Variants in MAP4K3 observed in about 807,000 individuals in gnomAD.
MAP4K3 encodes MAPK/ERK kinase kinase kinase 3.
In MAP4K3, 94 loss-of-function variants were observed where a neutral mutation model predicts 143.5. That is an observed-to-expected ratio of 0.65 (90% CI 0.55 to 0.78). The LOEUF is 0.78. Ranked by LOEUF, MAP4K3 falls within the 30% of genes least tolerant of loss-of-function variation. The probability of loss-of-function intolerance (pLI) is 0.00; values close to 1 mark genes in which losing one functional copy is unlikely to be tolerated. For missense variants in MAP4K3, 1,077 were observed against 1,068.1 expected, an observed-to-expected ratio of 1.01 and a Z score of -0.12; for synonymous variants, 416 against 347.2, an observed-to-expected ratio of 1.20 and a Z score of -2.20.
rs752284923 is a variant in MAP4K3, at chr2:39,333,545, A to G, written c.444T>C (p.Gly148=). 3 of 1,606,836 alleles carry G rather than the reference A, an allele frequency of 1.9e-6. No homozygotes were observed. Among genetic ancestry groups the G allele is most frequent in the Non-Finnish European group, 2.6e-6 (3 of 1,174,078 alleles). ...CAATTTACTTACCCAATTTCACATGACCATTATCCGTTAATAGAATGTTAG... is the reference window on the plus strand; with the variant it reads ...CAATTTACTTACCCAATTTCACATGGCCATTATCCGTTAATAGAATGTTAG... ...KGANILLTDN[G]HVKLADFGVS... The change falls in exon 7 of 34, where the codon GGT becomes GGC. Residue 148 remains glycine, a synonymous_variant. Coordinates refer to ENST00000263881, the MANE Select transcript of MAP4K3 (RefSeq NM_003618.4).
chr2:39,369,205 G>GTTTTGTTTTTTTTT (rs1666011562), intron 2 of MAP4K3, among the ~76,000 whole-genome samples: 1 of 125,380 alleles, frequency 8.0e-6, no homozygotes, highest in Admixed American at 8.6e-5. Flanking sequence ...TTTTTTTTTT[G>GTTTTGTTTTTTTTT]TTTTTTTTGA....
At chr2:39,336,998 A>T in intron 5 of MAP4K3, 31 bp from the exon 6 acceptor site, 1 of 1,142,154 alleles carries the variant, frequency 8.8e-7, no homozygotes, top group Non-Finnish European at 1.3e-6. Context: ...AAAATAAACA[A>T]GATTTTATCA....
At chr2:39,264,689 T>G (rs1680699918) in intron 28 of MAP4K3, among the ~76,000 whole-genome samples, 1 of 152,344 alleles carries the variant, frequency 6.6e-6, no homozygotes, top group African/African-American at 2.4e-5. Context: ...TCCTTAAATG[T>G]AAGTTACAGA....
At chr2:39,250,735 C>T (rs770956938) in intron 33 of MAP4K3, 30 bp from the exon 34 acceptor site, 6 of 1,577,460 alleles carry the variant, frequency 3.8e-6, no homozygotes, top group Non-Finnish European at 5.2e-6. Context: ...TATAACAAAA[C>T]AAAGTTATTC....
At chr2:39,295,115 T>TA (rs1043420056) in intron 16 of MAP4K3, among the ~76,000 whole-genome samples, 1 of 151,852 alleles carries the variant, frequency 6.6e-6, no homozygotes, top group African/African-American at 2.4e-5. Flanking sequence ...ATTTTTTTCA[T>TA]AAAAAAATGT....
At chr2:39,290,382 A>C in intron 18 of MAP4K3, 48 bp from the exon 19 acceptor site, 1 of 1,214,602 alleles carries the variant, frequency 8.2e-7, no homozygotes, top group Non-Finnish European at 1.2e-6. Context: ...TTACAAATGA[A>C]TCAATCCTAA....
intron 1 of MAP4K3, among the ~76,000 whole-genome samples, chr2:39,424,594 T>G (rs978155791): frequency 1.3e-5 from 2 of 150,664 alleles, no homozygotes; most frequent in Admixed American, 6.6e-5. Flanking sequence ...CTTTAGGAGG[T>G]TGAGGTGGGA....
intron 28 of MAP4K3, among the ~76,000 whole-genome samples, chr2:39,264,326 T>C (rs1283764596): frequency 6.6e-6 from 1 of 152,256 alleles, no homozygotes; most frequent in African/African-American, 2.4e-5. Flanking sequence ...CATTTACCTG[T>C]GAAATTAATA....
intron 12 of MAP4K3, among the ~76,000 whole-genome samples, chr2:39,324,074 A>G (rs1471367027): frequency 6.6e-6 from 1 of 152,204 alleles, no homozygotes; most frequent in Non-Finnish European, 1.5e-5. Context: ...AGTTTGTAAA[A>G]CTTAACTTTC....
Position 39,288,135 on chromosome 2 carries a change from T to C in MAP4K3, c.1460A>G (p.Lys487Arg), listed in dbSNP as rs150356394. The part of the protein sequence containing the change: ...RPPPPRLPPH[K>R]PVALGNGMSS... ...TCCACCATTACCTAAGGCAACAGGT[T>C]TGTGTGGGGGTAATCTGGGAGGTGG... The change falls in exon 20 of 34, where the codon AAA (lysine) becomes AGA (arginine). Residue 487 changes from lysine (K) to arginine (R), a missense_variant. Transcript: ENST00000263881. 7.4e-6 allele frequency: 12 copies of C among 1,613,884 alleles called. No individual in the cohort carries two copies. Among genetic ancestry groups the C allele is most frequent in the African/African-American group, 2.7e-5 (2 of 74,880 alleles).
intron 21 of MAP4K3, among the ~76,000 whole-genome samples, chr2:39,284,157 T>G (rs7597300): frequency 0.68 from 104,119 of 152,004 alleles, 39,820 homozygotes; most frequent in Non-Finnish European, 0.85. Flanking sequence ...ACATCTTTTT[T>G]TGTTGTTGTT....
In MAP4K3 at chr2:39,384,726, G is replaced by A. The variant is rs11898705; in HGVS notation, c.97-6603C>T. 7.7e-3 allele frequency among the ~76,000 whole-genome samples: 1,167 copies of A among 152,270 alleles called. 17 individuals carry two copies. Among genetic ancestry groups the A allele is most frequent in the African/African-American group, 0.026 (1,092 of 41,532 alleles). On this transcript the variant is annotated intron_variant, in intron 1 of 33. Transcript: ENST00000263881. ...AACTGAATTTTGTTTAATTGTACGT[G>A]TGTACAAAATGAAATATTTAAAATT...
intron 15 of MAP4K3, among the ~76,000 whole-genome samples, chr2:39,301,367 C>G (rs181204321): frequency 2.3e-4 from 35 of 152,308 alleles, no homozygotes; most frequent in African/African-American, 7.9e-4. Flanking sequence ...AAGATAAAAT[C>G]ATTGTTATTA....
chr2:39,436,543 C>T lies in MAP4K3; in HGVS notation c.96+349G>A, dbSNP rs548947777. On this transcript the variant is annotated intron_variant, in intron 1 of 33. Coordinates refer to ENST00000263881, the MANE Select transcript of MAP4K3 (RefSeq NM_003618.4). ...AACACCAGACCCCTGCTGTCCGGTT[C>T]GTCGCGCTGACCCTGCCAACGCAAC... The T allele has an allele frequency of 2.0e-5, 5 of 255,176 alleles. No individual in the cohort carries two copies. In the East Asian group the frequency reaches 6.4e-4, roughly 33 times the overall value. 15.8% of individuals were successfully genotyped at this position (255,176 alleles called of 1,614,324 possible). A position where few individuals can be genotyped will look rare whatever the true frequency, so the allele number is the denominator to read the frequency against.
At chr2:39,385,551 C>CATATAT (rs140387430) in intron 1 of MAP4K3, among the ~76,000 whole-genome samples, 1,414 of 110,680 alleles carry the variant, frequency 0.013, 12 homozygotes, top group African/African-American at 0.026. Context: ...GAGCGTTCTT[C>CATATAT]ATATATATAT....
At chr2:39,414,075 T>C (rs775775590) in intron 1 of MAP4K3, among the ~76,000 whole-genome samples, 1 of 152,166 alleles carries the variant, frequency 6.6e-6, no homozygotes, top group Non-Finnish European at 1.5e-5. Flanking sequence ...AGCACTCTCA[T>C]AGTTAAACTT....
chr2:39,316,746 G>A (rs1258030046), intron 12 of MAP4K3, among the ~76,000 whole-genome samples: 1 of 151,862 alleles, frequency 6.6e-6, no homozygotes, highest in Non-Finnish European at 1.5e-5. Context: ...TCTCTAAAAC[G>A]GTATTACATT....
intron 13 of MAP4K3, among the ~76,000 whole-genome samples, chr2:39,311,039 C>A (rs1048753198): frequency 6.6e-6 from 1 of 152,166 alleles, no homozygotes; most frequent in Admixed American, 6.5e-5. Context: ...TTCTAACTTG[C>A]TACTTTGTTG....
At chr2:39,354,599 T>C (rs1056065995) in intron 3 of MAP4K3, among the ~76,000 whole-genome samples, 6 of 149,362 alleles carry the variant, frequency 4.0e-5, no homozygotes, top group East Asian at 3.9e-4. Context: ...GTCCGGGAGG[T>C]TGCACTGAGC....
Sources: gnomAD v4.1 joint callset for allele counts (sites outside exome capture counted in the v4.1 genomes callset) on GRCh38, gnomAD v4.1.1 for gene constraint, MANE v1.5 for transcripts, NCBI Gene and HGNC (gene_info 2026-07-23, HGNC 2026-07-21) for gene names.